The following KCTD15 variants were observed in gnomAD, a reference collection of about 807,000 sequenced individuals.
KCTD15 encodes potassium channel tetramerization domain containing 15.
A neutral mutation model predicts 27.2 loss-of-function variants in KCTD15; 11 were observed. That is an observed-to-expected ratio of 0.41 (90% CI 0.25 to 0.67). KCTD15 has a LOEUF of 0.67. KCTD15 is among the 30% of genes least tolerant of loss of function. KCTD15 has a pLI of 0.35. For missense variants in KCTD15, 350 were observed against 409.3 expected, an observed-to-expected ratio of 0.86 and a Z score of 1.25; for synonymous variants, 163 against 176.0, an observed-to-expected ratio of 0.93 and a Z score of 0.58.
intron 2 of KCTD15, among the ~76,000 whole-genome samples, chr19:33,799,124 A>G (rs1975447214): frequency 6.6e-6 from 1 of 152,080 alleles, no homozygotes; most frequent in South Asian, 2.1e-4. Flanking sequence ...GTGGATTCTG[A>G]GTCCACAGGC....
chr19:33,797,604 C>T (rs1274632045), intron 1 of KCTD15, among the ~76,000 whole-genome samples: 1 of 152,032 alleles, frequency 6.6e-6, no homozygotes, highest in Non-Finnish European at 1.5e-5. Flanking sequence ...TCCGGTTCCC[C>T]GCTGCCCGCC....
chr19:33,806,152 G>C (rs1309827704), intron 4 of KCTD15, among the ~76,000 whole-genome samples: 3 of 152,260 alleles, frequency 2.0e-5, no homozygotes, highest in Non-Finnish European at 4.4e-5. Flanking sequence ...CCTGTTGCAT[G>C]TGTGTGCTGT....
At chr19:33,812,412 A>G in intron 6 of KCTD15, 2 of 1,049,610 alleles carry the variant, frequency 1.9e-6, no homozygotes, top group Non-Finnish European at 2.3e-6. Flanking sequence ...TTATTGGGGC[A>G]GGACTCAGGG....
At position 33,800,499 on chromosome 19, in the gene KCTD15, A is replaced by ACACGGCAG; in HGVS notation, c.49_56dup (p.Gly20AlafsTer66). The ACACGGCAG allele has an allele frequency of 6.2e-7, 1 of 1,602,494 alleles. No individual in the cohort carries two copies. The highest frequency in any genetic ancestry group is 8.5e-7 in the Non-Finnish European group (1 of 1,175,936). ...GGCCGAGCGGGTCCTCGCTTCACACACACGGCAGCACCGGCACCGCGGTGA... is the reference window on the plus strand; with the variant it reads ...GGCCGAGCGGGTCCTCGCTTCACACACACGGCAGCACGGCAGCACCGGCACCGCGGTGA... On this transcript the variant is annotated frameshift_variant, in exon 3 of 7. Coordinates refer to ENST00000683859, the MANE Select transcript of KCTD15 (RefSeq NM_001129994.2). LOFTEE classifies it high-confidence loss of function.
At chr19:33,809,348 CA>C (rs985735632) in intron 5 of KCTD15, among the ~76,000 whole-genome samples, 17 of 146,222 alleles carry the variant, frequency 1.2e-4, no homozygotes, top group African/African-American at 4.1e-4. Context: ...AATAAATAAA[CA>C]AGCAAGCAAG....
At position 33,806,976 on chromosome 19, in the gene KCTD15, C is replaced by T. The variant is rs768493128; in HGVS notation, c.356C>T (p.Thr119Met). The T allele has an allele frequency of 3.7e-6, 6 of 1,614,040 alleles. No homozygotes were observed. Among genetic ancestry groups the T allele is most frequent in the East Asian group, 2.2e-5 (1 of 44,882 alleles). The change falls in exon 5 of 7, where the codon ACG becomes ATG. Residue 119 changes from threonine to methionine, a missense_variant. This residue lies in a region of KCTD15 where 54 missense variants were observed against 101.8 expected (regional missense o/e 0.53). Transcript: ENST00000683859. Reference protein sequence around the residue: ...IFRYVLSFLRTSKLLLPDDFK... With the variant: ...IFRYVLSFLRMSKLLLPDDFK... The stretch of plus-strand genomic sequence containing the variant: ...CGCTACGTCCTGAGCTTCCTGCGGA[C>T]GTCCAAGCTGCTGCTTCCGGATGAC...
upstream of KCTD15, among the ~76,000 whole-genome samples, chr19:33,795,512 C>G (rs1186406446): frequency 3.3e-5 from 5 of 151,610 alleles, no homozygotes; most frequent in Non-Finnish European, 5.9e-5. Context: ...ACCCAGGCGC[C>G]GTTCCGGCCC....
rs1408832448 is a variant in KCTD15 at position 33,813,311 on chromosome 19, C to T, written c.*363C>T. The T allele has an allele frequency of 1.9e-5, 10 of 534,016 alleles. No homozygotes were observed. Among genetic ancestry groups the T allele is most frequent in the Admixed American group, 6.7e-5 (3 of 44,768 alleles). The allele number at this position is 534,016 out of a possible 1,614,324, so 33.1% of individuals were successfully genotyped here. A position where few individuals can be genotyped will look rare whatever the true frequency, so the allele number is the denominator to read the frequency against. On this transcript the variant is annotated 3_prime_UTR_variant, in exon 7 of 7. Coordinates refer to ENST00000683859, the MANE Select transcript of KCTD15 (RefSeq NM_001129994.2). The stretch of plus-strand genomic sequence containing the variant: ...GAGGAGCTGTTTATCCCTCTCCACG[C>T]GGGGCAGACTCTGGCGGGTCTCCTA...
chr19:33,811,129 C>T, intron 5 of KCTD15, 118 bp from the exon 6 acceptor site: 3 of 844,468 alleles, frequency 3.6e-6, no homozygotes, highest in Non-Finnish European at 5.4e-6. Context: ...CACACAATAC[C>T]CTGCGAGTCG....
chr19:33,804,855 G>A (rs2145460022), intron 4 of KCTD15, among the ~76,000 whole-genome samples: 1 of 152,328 alleles, frequency 6.6e-6, no homozygotes, highest in East Asian at 1.9e-4. Flanking sequence ...GGTGGCTGCA[G>A]CTCTGGGTCC....
At chr19:33,798,802 C>T (rs970811477) in intron 2 of KCTD15, 36 bp downstream of exon 2, 1 of 152,490 alleles carries the variant, frequency 6.6e-6, no homozygotes, top group African/African-American at 2.4e-5. Context: ...TCAGGTTGTT[C>T]TTGGGAGGGA....
At chr19:33,811,711 C>G in intron 6 of KCTD15, 159 bp downstream of exon 6, 2 of 1,536,816 alleles carry the variant, frequency 1.3e-6, no homozygotes, top group South Asian at 1.2e-5. Flanking sequence ...TAATTTATGT[C>G]CCTCTCATAA....
chr19:33,808,854 G>A (rs1393792417), intron 5 of KCTD15, among the ~76,000 whole-genome samples: 1 of 152,192 alleles, frequency 6.6e-6, no homozygotes, highest in Admixed American at 6.5e-5. Context: ...CTTCTGTTTA[G>A]TACAGGCACA....
intron 6 of KCTD15, 62 bp from the exon 7 acceptor site, chr19:33,812,728 C>G: frequency 7.2e-7 from 1 of 1,396,358 alleles, no homozygotes; most frequent in South Asian, 1.7e-5. Flanking sequence ...ACCTCCCTGC[C>G]AGGCCAAGCC....
At chr19:33,799,010 A>G (rs1037172106) in intron 2 of KCTD15, among the ~76,000 whole-genome samples, 1 of 152,194 alleles carries the variant, frequency 6.6e-6, no homozygotes, top group Non-Finnish European at 1.5e-5. Context: ...CTCCTAGGGC[A>G]GGATAATCCA....
chr19:33,809,343 A>G (rs1975813344), intron 5 of KCTD15, among the ~76,000 whole-genome samples: 1 of 152,098 alleles, frequency 6.6e-6, no homozygotes, highest in Non-Finnish European at 1.5e-5. Flanking sequence ...AAGTAAATAA[A>G]TAAACAAGCA....
chr19:33,796,828 GT>G, upstream of KCTD15: 1 of 139,518 alleles, frequency 7.2e-6, no homozygotes, highest in South Asian at 2.5e-4. Flanking sequence ...GGCGGGAGGG[GT>G]GGGTGGGGGG....
Position 33,813,193 on chromosome 19 carries a change from C to G in KCTD15, c.*245C>G. On this transcript the variant is annotated 3_prime_UTR_variant, in exon 7 of 7. Transcript: ENST00000683859. Reference sequence around the variant, plus strand: ...CGGTGGGATCTCTGCTGCCAGCTCTCCCAGCCCCTCAGCTTCGCAGCCTGG... The same window carrying G: ...CGGTGGGATCTCTGCTGCCAGCTCTGCCAGCCCCTCAGCTTCGCAGCCTGG... The G allele has an allele frequency of 1.6e-6, 1 of 629,062 alleles. No homozygotes were observed. Among genetic ancestry groups the G allele is most frequent in the East Asian group, 2.8e-5 (1 of 35,330 alleles). 39.0% of individuals were successfully genotyped at this position (629,062 alleles called of 1,614,324 possible).
At position 33,797,277 on chromosome 19, in the gene KCTD15, TGTGTGTGCGC is replaced by T. The variant is rs760793150; in HGVS notation, c.-127+292_-127+301del. The T allele has an allele frequency of 2.0e-3, 462 of 232,804 alleles. 18 individuals are homozygous for T. The highest frequency in any genetic ancestry group is 6.0e-3 in the African/African-American group (128 of 21,174). 14.4% of individuals were successfully genotyped at this position (232,804 alleles called of 1,614,324 possible). ...GTGTGTGTGTGTGTGTGTGTGTGTG[TGTGTGTGCGC>T]GCGCGCGCGCGCGCGCTTGTGGAGG... On this transcript the variant is annotated intron_variant, in intron 1 of 6. Coordinates refer to ENST00000683859, the MANE Select transcript of KCTD15 (RefSeq NM_001129994.2).
Sources: gnomAD v4.1 joint callset for allele counts (sites outside exome capture counted in the v4.1 genomes callset) on GRCh38, gnomAD v4.1.1 for gene constraint, gnomAD v4.1.1 regional missense constraint, MANE v1.5 for transcripts, NCBI Gene and HGNC (gene_info 2026-07-23, HGNC 2026-07-21) for gene names.